CTNNA2: variants seen among roughly 807,000 people sequenced by gnomAD.
The protein encoded by CTNNA2 is catenin alpha 2.
CTNNA2 carries 42 observed loss-of-function variants against 101.0 expected under a neutral mutation model. That is an observed-to-expected ratio of 0.42 (90% CI 0.32 to 0.54). The LOEUF (loss-of-function observed/expected upper bound fraction) is 0.54. Among genes scored for constraint, CTNNA2 ranks in the 20% least tolerant of loss-of-function variants. CTNNA2 has a pLI of 0.14. For missense variants in CTNNA2, 871 were observed against 1,223.1 expected (o/e 0.71, Z 4.29); for synonymous variants, 450 against 456.4 (o/e 0.99, Z 0.18).
At chr2:80,641,714 G>A (rs2149857110) in intron 18 of CTNNA2, among the ~76,000 whole-genome samples, 1 of 152,066 alleles carries the variant, frequency 6.6e-6, no homozygotes, top group Admixed American at 6.5e-5. Flanking sequence ...CTTAACCAAG[G>A]AAGGTTATTT....
At chr2:79,353,137 A>C (rs1343067972) in intron 3 of CTNNA2, among the ~76,000 whole-genome samples, 1 of 152,208 alleles carries the variant, frequency 6.6e-6, no homozygotes, top group Non-Finnish European at 1.5e-5. Context: ...GTGGGGAGAC[A>C]GAGCCAAACC....
chr2:79,591,908 ATT>A (rs35116136), intron 1 of CTNNA2, among the ~76,000 whole-genome samples: 70,500 of 131,872 alleles, frequency 0.53, 19,403 homozygotes, highest in Non-Finnish European at 0.64. Context: ...TGAAAAAAAA[ATT>A]TTTTTTTTTT....
intron 1 of CTNNA2, among the ~76,000 whole-genome samples, chr2:79,618,222 T>A (rs1199450618): frequency 6.6e-6 from 1 of 152,254 alleles, no homozygotes; most frequent in African/African-American, 2.4e-5. Flanking sequence ...TATTTTTAAA[T>A]GTTTTTCAGA....
At chr2:80,488,957 A>C (rs1686813648) in intron 9 of CTNNA2, among the ~76,000 whole-genome samples, 1 of 152,110 alleles carries the variant, frequency 6.6e-6, no homozygotes, top group African/African-American at 2.4e-5. Context: ...GTACATTATT[A>C]GTTTTCTTTG....
At chr2:79,447,702 G>T (rs1678849232) in intron 4 of CTNNA2, among the ~76,000 whole-genome samples, 1 of 151,994 alleles carries the variant, frequency 6.6e-6, no homozygotes, top group African/African-American at 2.4e-5. Flanking sequence ...GGGAGCATGA[G>T]CCCTACCTAG....
chr2:79,268,329 C>A (rs1378239047), intron 2 of CTNNA2, among the ~76,000 whole-genome samples: 5 of 152,036 alleles, frequency 3.3e-5, no homozygotes, highest in Admixed American at 1.3e-4. Flanking sequence ...GTGTTCCTAG[C>A]AATGAGATAG....
At chr2:80,270,044 T>C (rs1673336991) in intron 7 of CTNNA2, among the ~76,000 whole-genome samples, 1 of 152,204 alleles carries the variant, frequency 6.6e-6, no homozygotes, top group South Asian at 2.1e-4. Flanking sequence ...AAACTGACTG[T>C]AAGCAGGCCA....
rs191544261 is a variant in CTNNA2, at chr2:79,467,395, G to A, written c.-134-37659G>A. The stretch of plus-strand genomic sequence containing the variant: ...GACTATGTGAAAAGACCAAATCTAC[G>A]TCTGATTGGTGTACCTGAAAGTGAC... On this transcript the variant is annotated intron_variant, in intron 4 of 21. Transcript: ENST00000466387. Among the ~76,000 whole-genome samples, 347 of 152,312 alleles carry A rather than the reference G, an allele frequency of 2.3e-3. 1 individual carries two copies. The highest frequency in any genetic ancestry group is 7.8e-3 in the African/African-American group (325 of 41,568).
At chr2:80,329,157 A>G (rs1425333877) in intron 7 of CTNNA2, among the ~76,000 whole-genome samples, 1 of 152,192 alleles carries the variant, frequency 6.6e-6, no homozygotes, top group Admixed American at 6.5e-5. Context: ...TGTCCATGTG[A>G]TGTGAAGCAG....
intron 2 of CTNNA2, among the ~76,000 whole-genome samples, chr2:79,689,731 G>T (rs1466185563): frequency 6.6e-6 from 1 of 151,880 alleles, no homozygotes; most frequent in Non-Finnish European, 1.5e-5. Flanking sequence ...TAATACTATA[G>T]AAATTAAATG....
chr2:79,812,676 A>T (rs1677144935), intron 3 of CTNNA2, among the ~76,000 whole-genome samples: 1 of 152,094 alleles, frequency 6.6e-6, no homozygotes, highest in African/African-American at 2.4e-5. Context: ...CATTTATCTG[A>T]ATATATTATG....
chr2:79,790,911 T>G (rs572957087), intron 3 of CTNNA2, among the ~76,000 whole-genome samples: 24 of 152,340 alleles, frequency 1.6e-4, no homozygotes, highest in Admixed American at 5.2e-4. Flanking sequence ...AAGTAGAAAT[T>G]ATGAACCATT....
At chr2:79,521,612 C>G (rs1054956410) in intron 1 of CTNNA2, among the ~76,000 whole-genome samples, 2 of 152,048 alleles carry the variant, frequency 1.3e-5, no homozygotes, top group Non-Finnish European at 2.9e-5. Context: ...GGTTAGGGGA[C>G]TGATGAACAG....
intron 3 of CTNNA2, among the ~76,000 whole-genome samples, chr2:79,330,943 C>T (rs1441653736): frequency 3.9e-5 from 6 of 152,170 alleles, no homozygotes; most frequent in Non-Finnish European, 7.4e-5. Context: ...GCCATGGGCT[C>T]ATTCATCTGG....
At chr2:80,508,249 C>A (rs1474902230) in intron 9 of CTNNA2, among the ~76,000 whole-genome samples, 1 of 152,064 alleles carries the variant, frequency 6.6e-6, no homozygotes, top group Non-Finnish European at 1.5e-5. Flanking sequence ...AGGAATGGAA[C>A]AATCACTTGA....
intron 7 of CTNNA2, among the ~76,000 whole-genome samples, chr2:80,049,306 G>C (rs901219500): frequency 8.5e-5 from 13 of 152,058 alleles, no homozygotes; most frequent in African/African-American, 3.1e-4. Context: ...GAAGTCATCA[G>C]TTTAACATTT....
At chr2:79,236,715 A>G (rs1674562573) in intron 2 of CTNNA2, among the ~76,000 whole-genome samples, 1 of 152,212 alleles carries the variant, frequency 6.6e-6, no homozygotes, top group South Asian at 2.1e-4. Context: ...TGTTCACAGC[A>G]TCTTCAATTG....
chr2:79,185,780 G>A (rs533602962), intron 1 of CTNNA2, among the ~76,000 whole-genome samples: 1 of 152,146 alleles, frequency 6.6e-6, no homozygotes, highest in East Asian at 1.9e-4. Flanking sequence ...GGTCATTTGG[G>A]GATGTTAGAT....
intron 7 of CTNNA2, among the ~76,000 whole-genome samples, chr2:79,993,501 A>C (rs113659680): frequency 6.6e-6 from 1 of 152,370 alleles, no homozygotes; most frequent in Non-Finnish European, 1.5e-5. Context: ...AAGATGCAGT[A>C]TACAGTCACA....
Sources: allele counts gnomAD v4.1 joint callset (sites outside exome capture counted in the v4.1 genomes callset), GRCh38; gene constraint gnomAD v4.1.1; transcripts MANE v1.5; gene names NCBI Gene and HGNC (gene_info 2026-07-23, HGNC 2026-07-21).